The following CYP24A1 variants were observed in gnomAD, a reference collection of about 807,000 sequenced individuals.
CYP24A1 encodes the protein cytochrome P450 family 24 subfamily A member 1.
CYP24A1 carries 68 observed loss-of-function variants against 62.4 expected under a neutral mutation model. That is an observed-to-expected ratio of 1.09 (90% CI 0.90 to 1.33). CYP24A1 has a LOEUF of 1.33. Ranked by LOEUF, CYP24A1 falls within the 40% of genes most tolerant of loss-of-function variation. The probability of loss-of-function intolerance (pLI) is 0.00; values close to 1 mark genes in which losing one functional copy is unlikely to be tolerated. For missense variants in CYP24A1, 787 were observed against 653.0 expected, an observed-to-expected ratio of 1.21 and a Z score of -2.24; for synonymous variants, 267 against 253.0, an observed-to-expected ratio of 1.06 and a Z score of -0.52.
intron 11 of CYP24A1, among the ~76,000 whole-genome samples, chr20:54,155,629 C>T (rs538428037): frequency 1.3e-4 from 20 of 151,214 alleles, no homozygotes; most frequent in East Asian, 1.9e-4. Flanking sequence ...CCCAGCTACT[C>T]GGGAGGCTGA....
At chr20:54,157,658 T>C in intron 9 of CYP24A1, 73 bp from the exon 10 acceptor site, 1 of 907,114 alleles carries the variant, frequency 1.1e-6, no homozygotes, top group South Asian at 1.3e-5. Flanking sequence ...TTGACACAAG[T>C]TGTCACCTTA....
At chr20:54,166,369 C>T (rs1047455453) in intron 4 of CYP24A1, among the ~76,000 whole-genome samples, 1 of 151,980 alleles carries the variant, frequency 6.6e-6, no homozygotes, top group Non-Finnish European at 1.5e-5. Flanking sequence ...AAATAAAATT[C>T]TCAACTCTTC....
At chr20:54,169,499 A>G in intron 4 of CYP24A1, 93 bp downstream of exon 4, 2 of 1,597,500 alleles carry the variant, frequency 1.3e-6, no homozygotes, top group South Asian at 2.2e-5. Context: ...AGGCAGCAAT[A>G]ATGCCTGTTT....
At position 54,158,989 on chromosome 20, in the gene CYP24A1, C is replaced by T. The variant is rs2296239; in HGVS notation, c.1125G>A (p.Pro375=). Residue 375 remains proline, a synonymous_variant, in exon 8 of 12, where the codon CCG becomes CCA. Coordinates refer to ENST00000216862, the MANE Select transcript of CYP24A1 (RefSeq NM_000782.5). ...ATTCTTTCAGACAGGCTTTTAAATA[C>T]GGCATATTCCTCAAATCTTCTGCCC... ...VPRAEDLRNM[P]YLKACLKESM... is the part of the protein sequence containing the mutation. 394,353 of 1,613,812 alleles carry T rather than the reference C, an allele frequency of 0.24. 53,848 individuals carry two copies. Among genetic ancestry groups the T allele is most frequent in the East Asian group, 0.59 (26,616 of 44,856 alleles).
In CYP24A1 at chr20:54,173,555, G is replaced by T. The variant is rs758772744; in HGVS notation, c.25C>A (p.Arg9Ser). MSSPISKSRSLAAFLQQLR... is the reference protein window; with the variant it reads MSSPISKSSSLAAFLQQLR... ...TGCTGCAGGAAGGCGGCAAGCGAGC[G>T]GCTCTTGCTGATGGGGGAGCTCATG... is the stretch of plus-strand genomic sequence containing the variant. Residue 9 changes from arginine to serine, a missense_variant, in exon 1 of 12, where the codon CGC becomes AGC. By Grantham distance (110) the Arg-to-Ser change is moderately radical (BLOSUM62 -1). Coordinates refer to ENST00000216862, the MANE Select transcript of CYP24A1 (RefSeq NM_000782.5). This position sits in a 1 kb window ranked among gnomAD's most constrained non-coding sequence, Gnocchi z 7.2. 2 of 1,581,656 alleles carry T rather than the reference G, an allele frequency of 1.3e-6. No homozygotes were observed. The highest frequency in any genetic ancestry group is 4.6e-5 in the East Asian group (2 of 43,880).
In CYP24A1 at chr20:54,153,517, T is replaced by A. The variant is rs2092616479; in HGVS notation, c.*1255A>T. ...TATACAGATGAAATCTGACAAGACG[T>A]GAATTTATAATTCTAAAAATAATTT... is the stretch of plus-strand genomic sequence containing the variant. On this transcript the variant is annotated 3_prime_UTR_variant, in exon 12 of 12. Transcript: ENST00000216862. 6.6e-6 allele frequency: 1 copy of A among 152,306 alleles called. No individual in the cohort carries two copies. Among genetic ancestry groups the A allele is most frequent in the Non-Finnish European group, 1.5e-5 (1 of 68,036 alleles). The allele number at this position is 152,306 out of a possible 1,614,324, so 9.4% of individuals were successfully genotyped here. A position where few individuals can be genotyped will look rare whatever the true frequency, so the allele number is the denominator to read the frequency against.
At chr20:54,160,892 C>T (rs1441899704) in intron 7 of CYP24A1, among the ~76,000 whole-genome samples, 1 of 152,202 alleles carries the variant, frequency 6.6e-6, no homozygotes, top group African/African-American at 2.4e-5. Context: ...GCCTGGAAAA[C>T]CTCAGGGGCA....
At chr20:54,167,265 C>T (rs73912631) in intron 4 of CYP24A1, among the ~76,000 whole-genome samples, 2,491 of 152,284 alleles carry the variant, frequency 0.016, 77 homozygotes, top group African/African-American at 0.057. Context: ...AAGGTTTCCC[C>T]GTATTTGTGT....
chr20:54,157,509 T>G lies in CYP24A1; in HGVS notation c.1313A>C (p.Glu438Ala). 1.9e-6 allele frequency: 3 copies of G among 1,601,264 alleles called. No homozygotes were observed. The South Asian group carries it at 3.3e-5, about 18-fold the overall frequency. Residue 438 changes from glutamate (E) to alanine (A), a missense_variant, in exon 10 of 12, where the codon GAA (glutamate) becomes GCA (alanine). Coordinates refer to ENST00000216862, the MANE Select transcript of CYP24A1 (RefSeq NM_000782.5). ...TTTTTCCTTCTCCTGAAGCCAACGT[T>G]CAGGTCTAAACTGACTTGAATCTTC... ...NFEDSSQFRPERWLQEKEKIN... is the reference protein window; with the variant it reads ...NFEDSSQFRPARWLQEKEKIN...
intron 3 of CYP24A1, among the ~76,000 whole-genome samples, chr20:54,170,586 A>G (rs879536157): frequency 1.3e-5 from 2 of 152,212 alleles, no homozygotes; most frequent in African/African-American, 4.8e-5. Context: ...GAGGTTTCAT[A>G]TGAACATATG....
rs1171379160 is a variant in CYP24A1, at chr20:54,157,279, T to C, written c.1445A>G (p.Lys482Arg). Residue 482 changes from lysine to arginine, a missense_variant, in exon 11 of 12, where the codon AAA (lysine) becomes AGA (arginine). Physicochemically the swap from Lys to Arg is conservative, Grantham distance 26 (BLOSUM62 2). Coordinates refer to ENST00000216862, the MANE Select transcript of CYP24A1 (RefSeq NM_000782.5). Reference protein sequence around the residue: ...LHLALCWIVRKYDIQATDNEP... With the variant: ...LHLALCWIVRRYDIQATDNEP... ...ATTGTCTGTGGCCTGGATGTCGTATTTGCGGACAATCTGTAATGCACACGC... is the reference window on the plus strand; with the variant it reads ...ATTGTCTGTGGCCTGGATGTCGTATCTGCGGACAATCTGTAATGCACACGC... The C allele has an allele frequency of 1.2e-6, 2 of 1,606,974 alleles. No individual in the cohort carries two copies. Among genetic ancestry groups the C allele is most frequent in the South Asian group, 1.1e-5 (1 of 90,884 alleles).
intron 3 of CYP24A1, among the ~76,000 whole-genome samples, 180 bp from the exon 4 acceptor site, chr20:54,169,868 G>A (rs1335710534): frequency 6.6e-6 from 1 of 152,138 alleles, no homozygotes; most frequent in Non-Finnish European, 1.5e-5. Flanking sequence ...ATCCCCTAAT[G>A]ACCTCGTCCT....
chr20:54,171,829 A>G, intron 2 of CYP24A1, 159 bp from the exon 3 acceptor site: 1 of 1,485,198 alleles, frequency 6.7e-7, no homozygotes, highest in South Asian at 1.3e-5. Context: ...TATTTGGGAT[A>G]AAATAGTGAT....
Position 54,173,026 on chromosome 20 carries a change from G to A in CYP24A1, c.332C>T (p.Ser111Leu), listed in dbSNP as rs1385520790. ...GTACAGCGCTTCCAGCAGGCATGGC[G>A]AGCCCAGGTGCACCGACTCAAAGGA... is the stretch of plus-strand genomic sequence containing the variant. ...LGSFESVHLG[S>L]PCLLEALYRT... The change falls in exon 2 of 12, where the codon TCG becomes TTG. Residue 111 changes from serine to leucine, a missense_variant. Transcript: ENST00000216862. This position sits in a 1 kb window ranked among gnomAD's most constrained non-coding sequence, Gnocchi z 7.2. 3.1e-6 allele frequency: 5 copies of A among 1,610,438 alleles called. No individual in the cohort carries two copies. In the East Asian group the frequency reaches 6.7e-5, roughly 22 times the overall value.
chr20:54,152,438 C>T (rs961608363), downstream of CYP24A1, among the ~76,000 whole-genome samples: 1 of 152,212 alleles, frequency 6.6e-6, no homozygotes, highest in Non-Finnish European at 1.5e-5. Context: ...CCCACAGTCG[C>T]ACAGGTCTCC....
intron 3 of CYP24A1, 137 bp from the exon 4 acceptor site, chr20:54,169,825 A>G: frequency 2.6e-6 from 4 of 1,521,936 alleles, no homozygotes; most frequent in Admixed American, 2.0e-5. Context: ...CTGAAGTCAC[A>G]CTAATTATAT....
chr20:54,160,315 A>G (rs2092645650), intron 7 of CYP24A1, among the ~76,000 whole-genome samples: 1 of 152,274 alleles, frequency 6.6e-6, no homozygotes, highest in African/African-American at 2.4e-5. Context: ...CAGCCAATGT[A>G]GCTTTAAGCT....
At chr20:54,144,617 GTTAA>G in the CYP24A1 span, among the ~76,000 whole-genome samples, 8 of 149,386 alleles carry the variant, frequency 5.4e-5, no homozygotes, top group Non-Finnish European at 1.2e-4. Flanking sequence ...ATTATCAACT[GTTAA>G]TTATATTATG....
downstream of CYP24A1, among the ~76,000 whole-genome samples, chr20:54,149,882 T>C (rs1452815664): frequency 6.6e-6 from 1 of 152,242 alleles, no homozygotes; most frequent in Admixed American, 6.5e-5. Context: ...GGTGTGGTTC[T>C]AGCATCTGAG....
Sources: allele counts gnomAD v4.1 joint callset (sites outside exome capture counted in the v4.1 genomes callset), GRCh38; gene constraint gnomAD v4.1.1; non-coding constraint Gnocchi (gnomAD v3.1); transcripts MANE v1.5; gene names NCBI Gene and HGNC (gene_info 2026-07-23, HGNC 2026-07-21).